DIAPH3: variants seen among roughly 807,000 people sequenced by gnomAD.
DIAPH3 encodes protein diaphanous homolog 3.
A neutral mutation model predicts 144.3 loss-of-function variants in DIAPH3; 117 were observed. That is an observed-to-expected ratio of 0.81 (90% CI 0.70 to 0.95). The LOEUF (loss-of-function observed/expected upper bound fraction) is 0.95. DIAPH3 is among the 40% of genes least tolerant of loss of function. The probability of loss-of-function intolerance (pLI) is 0.00; values close to 1 mark genes in which losing one functional copy is unlikely to be tolerated. For missense variants in DIAPH3, 1,421 were observed against 1,412.7 expected, an observed-to-expected ratio of 1.01 and a Z score of -0.09; for synonymous variants, 519 against 488.9, an observed-to-expected ratio of 1.06 and a Z score of -0.81.
At chr13:60,066,244 TACA>T (rs1216112188) in intron 4 of DIAPH3, among the ~76,000 whole-genome samples, 2 of 152,092 alleles carry the variant, frequency 1.3e-5, no homozygotes, top group African/African-American at 4.8e-5. Flanking sequence ...TAATAATCAA[TACA>T]ACAATAAAAT....
chr13:59,988,961 T>C (rs2051617423), intron 12 of DIAPH3, among the ~76,000 whole-genome samples: 1 of 151,894 alleles, frequency 6.6e-6, no homozygotes, highest in Admixed American at 6.6e-5. Context: ...TGTCAAACTT[T>C]CTTTTGTCCC....
chr13:59,689,990 C>A (rs1276356101), intron 27 of DIAPH3, among the ~76,000 whole-genome samples: 1 of 151,960 alleles, frequency 6.6e-6, no homozygotes, highest in African/African-American at 2.4e-5. Flanking sequence ...CTAATTTGCA[C>A]AATGTCACTT....
intron 24 of DIAPH3, among the ~76,000 whole-genome samples, chr13:59,829,662 A>T (rs2041671267): frequency 6.6e-6 from 1 of 151,958 alleles, no homozygotes; most frequent in African/African-American, 2.4e-5. Flanking sequence ...TATGCCATGA[A>T]TTGCACTAGA....
intron 27 of DIAPH3, among the ~76,000 whole-genome samples, chr13:59,719,239 A>G (rs910269159): frequency 5.9e-5 from 9 of 152,238 alleles, no homozygotes; most frequent in African/African-American, 1.9e-4. Flanking sequence ...AATGGAGACA[A>G]ACGTATTTGT....
intron 18 of DIAPH3, among the ~76,000 whole-genome samples, chr13:59,921,385 A>G (rs1275897273): frequency 1.3e-5 from 2 of 151,644 alleles, no homozygotes; most frequent in Admixed American, 6.6e-5. Context: ...TCATAAATGA[A>G]AAGATATTAC....
intron 1 of DIAPH3, among the ~76,000 whole-genome samples, chr13:60,157,894 G>C (rs1450144374): frequency 6.6e-6 from 1 of 152,118 alleles, no homozygotes; most frequent in Non-Finnish European, 1.5e-5. Context: ...TCAGAAATTT[G>C]AGGACTCTAC....
In DIAPH3 at chr13:60,099,781, G is replaced by A. The variant is rs147722958; in HGVS notation, c.391-6049C>T. Reference sequence around the variant, plus strand: ...CACTGTGCTGATCTGACTAGCACTAGGAACAGATTTCAGAAGTACAATACT... The same window carrying A: ...CACTGTGCTGATCTGACTAGCACTAAGAACAGATTTCAGAAGTACAATACT... On this transcript the variant is annotated intron_variant, in intron 3 of 27. Transcript: ENST00000400324. Among the ~76,000 whole-genome samples, 328 of 152,060 alleles carry A rather than the reference G, an allele frequency of 2.2e-3. 2 individuals are homozygous for A. The highest frequency in any genetic ancestry group is 7.5e-3 in the African/African-American group (309 of 41,474).
At chr13:59,758,953 ATTTTTTTT>A (rs915956860) in intron 27 of DIAPH3, among the ~76,000 whole-genome samples, 1 of 130,144 alleles carries the variant, frequency 7.7e-6, no homozygotes, top group African/African-American at 2.9e-5. Flanking sequence ...CTAATTTTGA[ATTTTTTTT>A]TTTTTTTTTT....
rs1416183243 is a variant in DIAPH3, at chr13:60,093,708, T to TA, written c.414dup (p.Lys139Ter). On this transcript the variant is annotated frameshift_variant, in exon 4 of 28. Transcript: ENST00000400324. LOFTEE classifies it high-confidence loss of function. Reference sequence around the variant, plus strand: ...TCCTTTTCCCGCAATGGTGCCTTTTTATCTTCATTTAAATTCATATCTTCC... The same window carrying TA: ...TCCTTTTCCCGCAATGGTGCCTTTTTAATCTTCATTTAAATTCATATCTTCC... The TA allele has an allele frequency of 1.2e-6, 2 of 1,612,094 alleles. No individual in the cohort carries two copies. Among genetic ancestry groups the TA allele is most frequent in the African/African-American group, 1.3e-5 (1 of 74,882 alleles).
At chr13:59,880,804 C>T (rs550370157) in intron 20 of DIAPH3, among the ~76,000 whole-genome samples, 17 of 151,650 alleles carry the variant, frequency 1.1e-4, no homozygotes, top group African/African-American at 3.9e-4. Flanking sequence ...CTAATTTATA[C>T]TTAGCTTTCT....
At chr13:59,771,545 A>T (rs1251106687) in intron 27 of DIAPH3, among the ~76,000 whole-genome samples, 2 of 142,406 alleles carry the variant, frequency 1.4e-5, no homozygotes, top group African/African-American at 5.0e-5. Flanking sequence ...GCTGTGTCTC[A>T]ATTGTTTAAC....
chr13:60,112,135 G>A lies in DIAPH3; in HGVS notation c.265C>T (p.Pro89Ser). The A allele has an allele frequency of 6.2e-7, 1 of 1,614,100 alleles. No homozygotes were observed. Residue 89 changes from proline to serine, a missense_variant, in exon 3 of 28, where the codon CCA becomes TCA. Pro to Ser is a moderately conservative substitution (Grantham distance 74). Transcript: ENST00000400324. Reference protein sequence around the residue: ...RIPGSKKERPPLPNLKTAFAS... With the variant: ...RIPGSKKERPSLPNLKTAFAS... Reference sequence around the variant, plus strand: ...AATGCAGTCTTCAGGTTGGGAAGTGGAGGTCTCTCTTTCTTGCTCCCTGGA... The same window carrying A: ...AATGCAGTCTTCAGGTTGGGAAGTGAAGGTCTCTCTTTCTTGCTCCCTGGA...
chr13:59,742,739 T>A (rs2036526905), intron 27 of DIAPH3, among the ~76,000 whole-genome samples: 1 of 127,142 alleles, frequency 7.9e-6, no homozygotes, highest in East Asian at 2.2e-4. Context: ...AAGAAGCAGA[T>A]CAAGACATGT....
At chr13:60,040,358 A>G (rs2055568383) in intron 5 of DIAPH3, among the ~76,000 whole-genome samples, 1 of 152,028 alleles carries the variant, frequency 6.6e-6, no homozygotes, top group Non-Finnish European at 1.5e-5. Context: ...CATGGATAAC[A>G]TCATGGATTC....
chr13:59,665,780 T>C lies in DIAPH3; in HGVS notation c.*804A>G, dbSNP rs2138563600. 6.5e-6 allele frequency: 1 copy of C among 152,732 alleles called. No homozygotes were observed. Among genetic ancestry groups the C allele is most frequent in the African/African-American group, 2.4e-5 (1 of 41,574 alleles). 9.5% of individuals were successfully genotyped at this position (152,732 alleles called of 1,614,324 possible). A position where few individuals can be genotyped will look rare whatever the true frequency, so the allele number is the denominator to read the frequency against. On this transcript the variant is annotated 3_prime_UTR_variant, in exon 28 of 28. Transcript: ENST00000400324. ...AGTTTATTCATAAAATAAAAAAAGT[T>C]GTTACTTTGGAAATTTCAAAATGGC...
intron 25 of DIAPH3, among the ~76,000 whole-genome samples, chr13:59,777,150 G>A (rs191473038): frequency 4.6e-5 from 7 of 152,120 alleles, no homozygotes; most frequent in African/African-American, 1.4e-4. Context: ...GGCCAAGAAA[G>A]TGTGAAATGA....
intron 22 of DIAPH3, among the ~76,000 whole-genome samples, chr13:59,859,075 A>G (rs1042336733): frequency 6.6e-6 from 1 of 152,194 alleles, no homozygotes; most frequent in African/African-American, 2.4e-5. Context: ...AATACTCCAA[A>G]GCAAACACAC....
chr13:59,980,677 T>G, intron 14 of DIAPH3, 118 bp downstream of exon 14: 2 of 922,378 alleles, frequency 2.2e-6, no homozygotes, highest in South Asian at 2.8e-5. Flanking sequence ...AGGGCATCTA[T>G]GCACACACCT....
At chr13:60,062,001 C>A (rs1234661133) in intron 4 of DIAPH3, among the ~76,000 whole-genome samples, 2 of 152,080 alleles carry the variant, frequency 1.3e-5, no homozygotes, top group African/African-American at 2.4e-5. Context: ...CCCAACAAAA[C>A]CTCTTCTAAC....
Sources: gnomAD v4.1 joint callset for allele counts (sites outside exome capture counted in the v4.1 genomes callset) on GRCh38, gnomAD v4.1.1 for gene constraint, MANE v1.5 for transcripts, NCBI Gene and HGNC (gene_info 2026-07-23, HGNC 2026-07-21) for gene names.